Variants in JMJD1C observed in about 807,000 individuals in gnomAD.
The protein encoded by JMJD1C is jumonji domain containing 1C.
Under a neutral mutation model 245.3 loss-of-function variants are expected in JMJD1C, and 31 were observed. The ratio of observed to expected loss-of-function variants is 0.13; its 90% CI spans 0.09 to 0.17. The LOEUF is 0.17. Among genes scored for constraint, JMJD1C ranks in the 10% least tolerant of loss-of-function variants. The pLI is 1.00. For synonymous variants in JMJD1C, 1,057 were observed against 1,017.4 expected (o/e 1.04, Z -0.74); for missense variants, 2,691 against 3,000.2 (o/e 0.90, Z 2.41).
intron 1 of JMJD1C, among the ~76,000 whole-genome samples, chr10:63,451,062 A>G (rs1050002814): frequency 7.9e-5 from 12 of 152,192 alleles, no homozygotes; most frequent in Non-Finnish European, 1.6e-4. Flanking sequence ...TTCCATTTAC[A>G]GTAACATCAA....
At chr10:63,240,532 G>A (rs537396955) in intron 3 of JMJD1C, among the ~76,000 whole-genome samples, 74 of 152,232 alleles carry the variant, frequency 4.9e-4, no homozygotes, top group Non-Finnish European at 3.4e-4. Flanking sequence ...AGTGGAGGAA[G>A]AAACCAGGCT....
At chr10:63,417,930 T>C (rs919424813) in intron 1 of JMJD1C, among the ~76,000 whole-genome samples, 7 of 152,214 alleles carry the variant, frequency 4.6e-5, no homozygotes, top group African/African-American at 1.7e-4. Flanking sequence ...TTTCAGGTCA[T>C]AATTTTGCTC....
chr10:63,335,427 A>T (rs574653851), intron 2 of JMJD1C, among the ~76,000 whole-genome samples: 21 of 152,362 alleles, frequency 1.4e-4, no homozygotes, highest in Admixed American at 7.8e-4. Context: ...TTTAATATTC[A>T]GTTAAAAAGA....
intron 2 of JMJD1C, among the ~76,000 whole-genome samples, chr10:63,286,917 C>A (rs552671331): frequency 3.3e-5 from 5 of 152,236 alleles, no homozygotes; most frequent in African/African-American, 1.2e-4. Context: ...TTGTTGATCT[C>A]AACTTTCTAT....
rs567917767 is a variant in JMJD1C at position 63,321,070 on chromosome 10, T to G, written c.334-56306A>C. On this transcript the variant is annotated intron_variant, in intron 2 of 25. Transcript: ENST00000399262. ...GAGTTTGAATGAGGTTCCAGACTGG[T>G]GTACAAGAACACATCCACGTGCCAG... Among the ~76,000 whole-genome samples the G allele has an allele frequency of 1.2e-3, 187 of 152,314 alleles. 1 individual carries two copies. The highest frequency in any genetic ancestry group is 1.9e-3 in the Non-Finnish European group (126 of 68,020).
intron 1 of JMJD1C, among the ~76,000 whole-genome samples, chr10:63,403,679 C>T (rs1418151726): frequency 6.6e-6 from 1 of 152,222 alleles, no homozygotes; most frequent in East Asian, 1.9e-4. Context: ...TGGCTCACAC[C>T]TGTAATCCCA....
chr10:63,177,776 C>T lies in JMJD1C; in HGVS notation c.7165G>A (p.Ala2389Thr). ...RLKDSSEIPG[A>T]LWHIYAGKDV... ...TTCCCAGCATAAATATGCCACAGAG[C>T]ACCAGGTATTTCACTTGAGTCCTTC... The change falls in exon 23 of 26, where the codon GCT becomes ACT. Residue 2389 changes from alanine (A) to threonine (T), a missense_variant. Ala to Thr is a moderately conservative substitution (Grantham distance 58, BLOSUM62 0). Around this residue, in one of 9 missense-constraint regions of JMJD1C, gnomAD observed 232 missense variants for 416.1 expected, o/e 0.56. Coordinates refer to ENST00000399262, the MANE Select transcript of JMJD1C (RefSeq NM_032776.3). 1 of 1,613,938 alleles carries T rather than the reference C, an allele frequency of 6.2e-7. No homozygotes were observed. The highest frequency in any genetic ancestry group is 8.5e-7 in the Non-Finnish European group (1 of 1,179,824).
intron 2 of JMJD1C, among the ~76,000 whole-genome samples, chr10:63,371,145 A>ATTT (rs71025167): frequency 1.3e-4 from 18 of 142,766 alleles, no homozygotes; most frequent in African/African-American, 3.9e-4. Flanking sequence ...CAATAGGCTA[A>ATTT]TTTTTTTTTT....
At chr10:63,267,392 T>C (rs1855721019) in intron 2 of JMJD1C, among the ~76,000 whole-genome samples, 1 of 152,142 alleles carries the variant, frequency 6.6e-6, no homozygotes, top group Non-Finnish European at 1.5e-5. Flanking sequence ...AGGAACATTA[T>C]AAGTTTAAAA....
intron 1 of JMJD1C, among the ~76,000 whole-genome samples, chr10:63,481,261 T>A (rs918100188): frequency 1.3e-5 from 2 of 152,212 alleles, no homozygotes; most frequent in African/African-American, 4.8e-5. Flanking sequence ...ATTTTCAGAT[T>A]TGAAAAATAA....
At position 63,168,579 on chromosome 10, in the gene JMJD1C, G is replaced by GA; in HGVS notation, c.7402-14dup. ...GAAAATTCTGAACCTATCCCCAAAAGAAAAACCGTGAAATACAAGTTTTAG... is the reference window on the plus strand; with the variant it reads ...GAAAATTCTGAACCTATCCCCAAAAGAAAAAACCGTGAAATACAAGTTTTAG... On this transcript the variant is annotated splice_polypyrimidine_tract_variant and intron_variant, in intron 24 of 25. Coordinates refer to ENST00000399262, the MANE Select transcript of JMJD1C (RefSeq NM_032776.3). 2 of 1,551,754 alleles carry GA rather than the reference G, an allele frequency of 1.3e-6. No homozygotes were observed. The highest frequency in any genetic ancestry group is 1.7e-6 in the Non-Finnish European group (2 of 1,156,438).
At chr10:63,505,533 T>G (rs576441579) in intron 1 of JMJD1C, among the ~76,000 whole-genome samples, 4 of 152,192 alleles carry the variant, frequency 2.6e-5, no homozygotes, top group African/African-American at 9.6e-5. Flanking sequence ...AGTTCACAAC[T>G]TTAGAGTCTG....
At chr10:63,268,817 C>G (rs1003074755) in intron 2 of JMJD1C, 12 of 985,658 alleles carry the variant, frequency 1.2e-5, no homozygotes, top group Non-Finnish European at 1.4e-5. Flanking sequence ...GCAAATGGCT[C>G]TCAAACCAAG....
chr10:63,471,974 G>A (rs1342637118), intron 1 of JMJD1C, among the ~76,000 whole-genome samples: 1 of 152,158 alleles, frequency 6.6e-6, no homozygotes, highest in East Asian at 1.9e-4. Context: ...GGAAGCAAGA[G>A]ACTTCAGTGG....
intron 1 of JMJD1C, among the ~76,000 whole-genome samples, chr10:63,500,845 A>C (rs1954535210): frequency 1.3e-5 from 2 of 152,222 alleles, no homozygotes; most frequent in African/African-American, 4.8e-5. Flanking sequence ...AGATGGATGG[A>C]TGGATGGATG....
intron 1 of JMJD1C, among the ~76,000 whole-genome samples, chr10:63,492,148 C>G (rs1277811034): frequency 2.6e-5 from 4 of 152,240 alleles, no homozygotes; most frequent in African/African-American, 9.6e-5. Flanking sequence ...ATCCTCCCGC[C>G]TCAGCCCCGG....
rs1937978126 is a variant in JMJD1C at position 63,305,459 on chromosome 10, C to CTCTCT, written c.334-40696_334-40695insAGAGA. The stretch of plus-strand genomic sequence containing the variant: ...GGATGACATGGCAAGACGCTCTGAC[C>CTCTCT]CTCTCTCTCTCTCTCTCTCTCTCTC... On this transcript the variant is annotated intron_variant, in intron 2 of 25. Transcript: ENST00000399262. Among the ~76,000 whole-genome samples the CTCTCT allele has an allele frequency of 2.1e-4, 24 of 113,086 alleles. 1 individual carries two copies. The highest frequency in any genetic ancestry group is 7.5e-4 in the African/African-American group (22 of 29,520). The allele number at this position is 113,086 out of a possible 152,430, so 74.2% of individuals were successfully genotyped here.
intron 2 of JMJD1C, among the ~76,000 whole-genome samples, chr10:63,292,071 C>T (rs921409035): frequency 6.7e-5 from 10 of 148,812 alleles, no homozygotes; most frequent in African/African-American, 2.5e-4. Flanking sequence ...CCACCTTAGC[C>T]TCCTGAATAG....
chr10:63,354,033 G>A (rs554997264), intron 2 of JMJD1C, among the ~76,000 whole-genome samples: 1 of 152,026 alleles, frequency 6.6e-6, no homozygotes, highest in East Asian at 1.9e-4. Flanking sequence ...TAAAGACGGG[G>A]TTTCACCATG....
Sources: allele counts gnomAD v4.1 joint callset (sites outside exome capture counted in the v4.1 genomes callset), GRCh38; gene constraint gnomAD v4.1.1; regional missense constraint gnomAD v4.1.1; transcripts MANE v1.5; gene names NCBI Gene and HGNC (gene_info 2026-07-23, HGNC 2026-07-21).